The following PXDNL variants were observed in gnomAD, a reference collection of about 807,000 sequenced individuals.
PXDNL encodes peroxidasin like.
A neutral mutation model predicts 150.8 loss-of-function variants in PXDNL; 145 were observed. The observed-to-expected ratio is 0.96, with a 90% CI of 0.84 to 1.10. The LOEUF (loss-of-function observed/expected upper bound fraction) is 1.10, where lower values mean the gene tolerates loss of function less well. Ranked by LOEUF, PXDNL falls within the 50% of genes least tolerant of loss-of-function variation. The pLI is 0.00. For synonymous variants in PXDNL, 757 were observed against 725.7 expected (o/e 1.04, Z -0.69); for missense variants, 2,087 against 1,873.9 (o/e 1.11, Z -2.10).
intron 2 of PXDNL, among the ~76,000 whole-genome samples, chr8:51,626,841 G>A (rs1011899826): frequency 1.3e-5 from 2 of 152,114 alleles, no homozygotes; most frequent in Non-Finnish European, 2.9e-5. Context: ...CAATTTTTGT[G>A]ATAAAAATGT....
intron 1 of PXDNL, among the ~76,000 whole-genome samples, chr8:51,733,950 C>G (rs530950881): frequency 1.1e-3 from 160 of 150,854 alleles, no homozygotes; most frequent in African/African-American, 3.6e-3. Flanking sequence ...AACATATCTG[C>G]AAAAGAATAT....
At chr8:51,794,284 G>A (rs898790686) in intron 1 of PXDNL, among the ~76,000 whole-genome samples, 1 of 152,042 alleles carries the variant, frequency 6.6e-6, no homozygotes, top group African/African-American at 2.4e-5. Context: ...AACAAGACAG[G>A]CCAACATTCA....
intron 1 of PXDNL, among the ~76,000 whole-genome samples, chr8:51,765,636 T>C (rs2037220357): frequency 6.6e-6 from 1 of 152,188 alleles, no homozygotes; most frequent in Non-Finnish European, 1.5e-5. Context: ...TTTGTATTAC[T>C]AATTAACACA....
intron 2 of PXDNL, among the ~76,000 whole-genome samples, chr8:51,636,520 C>A (rs925240961): frequency 4.0e-5 from 6 of 151,830 alleles, no homozygotes; most frequent in African/African-American, 1.5e-4. Context: ...AGTCAACATG[C>A]AAAAATCTGC....
At position 51,556,820 on chromosome 8, in the gene PXDNL, A is replaced by C. The variant is rs1433607606; in HGVS notation, c.380+20T>G. 2.2e-6 allele frequency: 3 copies of C among 1,359,612 alleles called. No individual in the cohort carries two copies. The highest frequency in any genetic ancestry group is 3.2e-6 in the Non-Finnish European group (3 of 951,220). 84.2% of individuals were successfully genotyped at this position (1,359,612 alleles called of 1,614,324 possible). A position where few individuals can be genotyped will look rare whatever the true frequency, so the allele number is the denominator to read the frequency against. On this transcript the variant is annotated intron_variant, in intron 4 of 22. Transcript: ENST00000356297. ...AACTGTCACCATGAGTGATTTAATA[A>C]AAAAGTTTCTATTACTTACAGATGT...
intron 1 of PXDNL, among the ~76,000 whole-genome samples, chr8:51,764,278 T>A (rs568194196): frequency 1.3e-5 from 2 of 152,162 alleles, no homozygotes; most frequent in South Asian, 4.1e-4. Flanking sequence ...TTGTTGATTT[T>A]GTCTATTTTT....
chr8:51,538,915 GT>G (rs1320135185), intron 4 of PXDNL, among the ~76,000 whole-genome samples: 2 of 152,052 alleles, frequency 1.3e-5, no homozygotes, highest in Non-Finnish European at 2.9e-5. Context: ...TTTGCTTTTT[GT>G]TTTATGTTTT....
intron 2 of PXDNL, among the ~76,000 whole-genome samples, chr8:51,634,637 G>T (rs971809001): frequency 1.3e-5 from 2 of 152,016 alleles, no homozygotes; most frequent in African/African-American, 4.8e-5. Flanking sequence ...ATTTGTTTGT[G>T]ACATCTATGA....
chr8:51,773,145 T>G lies in PXDNL; in HGVS notation c.164+36036A>C, dbSNP rs533035226. On this transcript the variant is annotated intron_variant, in intron 1 of 22. Transcript: ENST00000356297. The stretch of plus-strand genomic sequence containing the variant: ...CCCACACATTTGAAAACAAAAGCAC[T>G]AGCTAACATTTGACTATTTGCTCTA... 2.0e-5 allele frequency among the ~76,000 whole-genome samples: 3 copies of G among 152,328 alleles called. No individual in the cohort carries two copies. The South Asian group carries it at 6.2e-4, about 32-fold the overall frequency.
At chr8:51,525,608 A>G (rs1180557083) in intron 4 of PXDNL, among the ~76,000 whole-genome samples, 1 of 152,224 alleles carries the variant, frequency 6.6e-6, no homozygotes, top group African/African-American at 2.4e-5. Flanking sequence ...TGGACAAAAT[A>G]AAAAACATTC....
chr8:51,708,907 T>C (rs1816439315), intron 1 of PXDNL, among the ~76,000 whole-genome samples: 1 of 152,070 alleles, frequency 6.6e-6, no homozygotes, highest in East Asian at 1.9e-4. Context: ...CATGTCAATA[T>C]TTAAAATGTG....
At chr8:51,536,656 T>C (rs1439380596) in intron 4 of PXDNL, among the ~76,000 whole-genome samples, 1 of 152,064 alleles carries the variant, frequency 6.6e-6, no homozygotes, top group African/African-American at 2.4e-5. Context: ...ATTTATTCTT[T>C]AAGCTTTTGG....
intron 3 of PXDNL, among the ~76,000 whole-genome samples, chr8:51,581,113 T>C (rs1306662311): frequency 2.6e-5 from 4 of 151,694 alleles, no homozygotes; most frequent in East Asian, 2.0e-4. Context: ...TAGGAAGGAG[T>C]GAGAAAAACG....
chr8:51,321,926 G>A (rs552855209), intron 21 of PXDNL, among the ~76,000 whole-genome samples: 2 of 150,424 alleles, frequency 1.3e-5, no homozygotes, highest in East Asian at 3.9e-4. Flanking sequence ...TCCCCAATGT[G>A]ACTATATTTG....
intron 1 of PXDNL, among the ~76,000 whole-genome samples, chr8:51,697,904 A>AT (rs1338144804): frequency 6.6e-6 from 1 of 152,184 alleles, no homozygotes; most frequent in East Asian, 1.9e-4. Context: ...AGTTAAATGA[A>AT]TTTTTTGGTT....
chr8:51,598,330 T>G (rs1193709117), intron 2 of PXDNL, among the ~76,000 whole-genome samples: 1 of 152,174 alleles, frequency 6.6e-6, no homozygotes, highest in Non-Finnish European at 1.5e-5. Flanking sequence ...AGGGAATGCT[T>G]CCAATTTTTG....
chr8:51,706,371 T>G (rs142031082), intron 1 of PXDNL, among the ~76,000 whole-genome samples: 6 of 152,226 alleles, frequency 3.9e-5, no homozygotes, highest in Admixed American at 3.9e-4. Flanking sequence ...CTTCACAGTC[T>G]ATTTAGATCA....
chr8:51,400,411 A>AT (rs1808211617), intron 17 of PXDNL, among the ~76,000 whole-genome samples: 1 of 152,180 alleles, frequency 6.6e-6, no homozygotes, highest in African/African-American at 2.4e-5. Flanking sequence ...GGAATTTTGA[A>AT]TTTTTGGATT....
chr8:51,741,492 A>T (rs1442049829), intron 1 of PXDNL, among the ~76,000 whole-genome samples: 5 of 152,174 alleles, frequency 3.3e-5, no homozygotes, highest in African/African-American at 1.2e-4. Context: ...AAGTTTTACA[A>T]GGAAAGACAC....
Sources: allele counts gnomAD v4.1 joint callset (sites outside exome capture counted in the v4.1 genomes callset), GRCh38; gene constraint gnomAD v4.1.1; transcripts MANE v1.5; gene names NCBI Gene and HGNC (gene_info 2026-07-23, HGNC 2026-07-21).